Variants in EZR observed in about 807,000 individuals in gnomAD.
The protein encoded by EZR is cytovillin 2.
EZR carries 40 observed loss-of-function variants against 74.8 expected under a neutral mutation model. That is an observed-to-expected ratio of 0.53 (90% CI 0.42 to 0.70). The LOEUF (loss-of-function observed/expected upper bound fraction) is 0.70. Among genes scored for constraint, EZR ranks in the 30% least tolerant of loss-of-function variants. The pLI is 0.00. For synonymous variants in EZR, 341 were observed against 283.3 expected (o/e 1.20, Z -2.05); for missense variants, 678 against 755.8 (o/e 0.90, Z 1.21).
chr6:158,768,676 G>A (rs1790996589), intron 12 of EZR, among the ~76,000 whole-genome samples: 1 of 152,208 alleles, frequency 6.6e-6, no homozygotes, highest in Non-Finnish European at 1.5e-5. Flanking sequence ...GACAAGCTCT[G>A]TGTGCGTCCC....
chr6:158,775,095 C>T (rs1791236911), intron 8 of EZR, among the ~76,000 whole-genome samples: 2 of 136,260 alleles, frequency 1.5e-5, no homozygotes, highest in African/African-American at 5.7e-5. Flanking sequence ...AGTGCAGTGG[C>T]GATCTCAGCT....
At chr6:158,785,178 T>G in intron 5 of EZR, 131 bp downstream of exon 5, 1 of 1,153,832 alleles carries the variant, frequency 8.7e-7, no homozygotes, top group Non-Finnish European at 1.2e-6. Flanking sequence ...AGTGACTTAA[T>G]GACTAGCATG....
intron 8 of EZR, among the ~76,000 whole-genome samples, chr6:158,772,937 T>C (rs1322687275): frequency 6.6e-6 from 1 of 152,084 alleles, no homozygotes; most frequent in Non-Finnish European, 1.5e-5. Context: ...GGGTGAGAGG[T>C]GATGCCAAGC....
At chr6:158,770,927 T>G (rs1287134715) in intron 9 of EZR, 33 bp from the exon 10 acceptor site, 1 of 1,614,090 alleles carries the variant, frequency 6.2e-7, no homozygotes, top group African/African-American at 1.3e-5. Context: ...CAGGGAGATT[T>G]AGACTCTGGC....
In EZR at chr6:158,789,398, G is replaced by A. The variant is rs56160004; in HGVS notation, c.13-27C>T. 5,510 of 1,583,346 alleles carry A rather than the reference G, an allele frequency of 3.5e-3. 26 individuals are homozygous for A. The highest frequency in any genetic ancestry group is 0.014 in the Middle Eastern group (85 of 5,998). On this transcript the variant is annotated intron_variant, in intron 2 of 13. Coordinates refer to ENST00000367075, the MANE Select transcript of EZR (RefSeq NM_001111077.2). ...TGAAAAACAGAATGAAACAAATTAC[G>A]CTTAACTGAGTATTCTTTTCTTCTA...
chr6:158,789,903 G>A (rs1052825952), intron 2 of EZR, among the ~76,000 whole-genome samples: 2 of 152,154 alleles, frequency 1.3e-5, no homozygotes, highest in Admixed American at 1.3e-4. Flanking sequence ...TATAGGCATG[G>A]GCCACCCTGC....
At chr6:158,815,640 A>AT (rs1473563528) in intron 2 of EZR, among the ~76,000 whole-genome samples, 10 of 152,074 alleles carry the variant, frequency 6.6e-5, no homozygotes, top group Non-Finnish European at 1.5e-4. Flanking sequence ...TAATTTTTCT[A>AT]TTTTTTGTAG....
Position 158,769,391 on chromosome 6 carries a change from TG to T in EZR, c.1278del (p.Lys427ArgfsTer31). The T allele has an allele frequency of 6.2e-7, 1 of 1,608,334 alleles. No individual in the cohort carries two copies. ...CGCGCCTCTTCCAGGAGGGCAATCT[TG>T]GCAGTGTATTCTGCAAGCTCCGCAG... Reference protein sequence around the residue: ...QLAAELAEYTAKIALLEEARR... With the variant: ...QLAAELAEYTXKIALLEEARR... On this transcript the variant is annotated frameshift_variant, in exon 12 of 14. Transcript: ENST00000367075. LOFTEE classifies it high-confidence loss of function.
At chr6:158,803,507 A>G (rs1211171871) in intron 2 of EZR, among the ~76,000 whole-genome samples, 2 of 135,658 alleles carry the variant, frequency 1.5e-5, no homozygotes, top group African/African-American at 5.6e-5. Context: ...TACCAACTCC[A>G]GGGTAAATAT....
intron 2 of EZR, among the ~76,000 whole-genome samples, chr6:158,811,581 C>G (rs1459017631): frequency 6.6e-6 from 1 of 152,200 alleles, no homozygotes; most frequent in Non-Finnish European, 1.5e-5. Context: ...ACATTATCAG[C>G]CAGGCATGGT....
chr6:158,769,646 ACCAGCTGCCTTCAGCCCC>A (rs1791034322), intron 11 of EZR, 120 bp downstream of exon 11: 1 of 1,316,120 alleles, frequency 7.6e-7, no homozygotes, highest in Admixed American at 1.8e-5. Flanking sequence ...CCCCTTCCCC[ACCAGCTGCCTTCAGCCCC>A]CCAGCAGATC....
At chr6:158,782,532 C>T (rs1174228180) in intron 7 of EZR, among the ~76,000 whole-genome samples, 2 of 152,230 alleles carry the variant, frequency 1.3e-5, no homozygotes, top group Admixed American at 6.5e-5. Flanking sequence ...CTGGGCCACT[C>T]TGCTCTTTAC....
At chr6:158,774,983 C>T (rs768431827) in intron 8 of EZR, among the ~76,000 whole-genome samples, 18 of 151,256 alleles carry the variant, frequency 1.2e-4, no homozygotes, top group Non-Finnish European at 2.2e-4. Context: ...TTTAAATAAC[C>T]GTGCAACTAC....
intron 7 of EZR, among the ~76,000 whole-genome samples, chr6:158,780,617 G>C (rs1326219775): frequency 1.3e-5 from 2 of 152,214 alleles, no homozygotes; most frequent in African/African-American, 4.8e-5. Context: ...CCTGGACCTA[G>C]TGCATTTCCA....
chr6:158,783,187 G>T (rs1027477849), intron 7 of EZR, among the ~76,000 whole-genome samples: 3 of 151,786 alleles, frequency 2.0e-5, no homozygotes, highest in African/African-American at 7.3e-5. Context: ...TGCCTGCGAA[G>T]TAGCTATGGA....
intron 7 of EZR, among the ~76,000 whole-genome samples, chr6:158,779,022 A>G (rs972785542): frequency 5.3e-5 from 8 of 152,168 alleles, no homozygotes; most frequent in Non-Finnish European, 8.8e-5. Context: ...TCTCCCCCAA[A>G]TATACTGACC....
chr6:158,803,624 T>TATACACAC, intron 2 of EZR, among the ~76,000 whole-genome samples: 1 of 30,910 alleles, frequency 3.2e-5, no homozygotes, highest in South Asian at 1.4e-3. Context: ...TATATATATA[T>TATACACAC]ACATATACAT....
At chr6:158,804,001 G>T (rs1012758885) in intron 2 of EZR, among the ~76,000 whole-genome samples, 2 of 152,140 alleles carry the variant, frequency 1.3e-5, no homozygotes, top group Non-Finnish European at 2.9e-5. Context: ...CTGGGAGGCA[G>T]AAAGGAGCTG....
rs1777604998 is a variant in EZR, at chr6:158,818,210, TCGTCCTCCTGCCG to T, written c.-73-57_-73-45del. On this transcript the variant is annotated intron_variant, in intron 1 of 13. Coordinates refer to ENST00000367075, the MANE Select transcript of EZR (RefSeq NM_001111077.2). The stretch of plus-strand genomic sequence containing the variant: ...CCTTAGAGCGCCCGCCCGCCCTGCC[TCGTCCTCCTGCCG>T]CGCCCGACACTCGGCGCCCGCAGCG... The T allele has an allele frequency of 3.4e-5, 38 of 1,131,358 alleles. 1 individual carries two copies. The South Asian group carries it at 5.7e-4, about 17-fold the overall frequency. The allele number at this position is 1,131,358 out of a possible 1,614,324, so 70.1% of individuals were successfully genotyped here. A position where few individuals can be genotyped will look rare whatever the true frequency, so the allele number is the denominator to read the frequency against.
Sources: gnomAD v4.1 joint callset for allele counts (sites outside exome capture counted in the v4.1 genomes callset) on GRCh38, gnomAD v4.1.1 for gene constraint, MANE v1.5 for transcripts, NCBI Gene and HGNC (gene_info 2026-07-23, HGNC 2026-07-21) for gene names.